The following ADGRV1 variants were observed in gnomAD, a reference collection of about 807,000 sequenced individuals.
ADGRV1 encodes the protein adhesion G protein-coupled receptor V1, also known as G-protein coupled receptor 98.
A neutral mutation model predicts 596.2 loss-of-function variants in ADGRV1; 359 were observed. The observed-to-expected ratio is 0.60, with a 90% CI of 0.55 to 0.66. The LOEUF (loss-of-function observed/expected upper bound fraction) is 0.66, where lower values mean the gene tolerates loss of function less well. Ranked by LOEUF, ADGRV1 falls within the 30% of genes least tolerant of loss-of-function variation. The pLI, the probability that ADGRV1 is intolerant of heterozygous loss-of-function variation, is 0.00. For missense variants in ADGRV1, 7,274 were observed against 7,575.6 expected (o/e 0.96, Z 1.48); for synonymous variants, 2,681 against 2,679.2 (o/e 1.00, Z -0.02).
chr5:90,977,721 G>T (rs1420181325), intron 84 of ADGRV1, among the ~76,000 whole-genome samples: 2 of 152,090 alleles, frequency 1.3e-5, no homozygotes, highest in Admixed American at 6.6e-5. Context: ...AAATAGATAG[G>T]TTTGTGTAGG....
At chr5:90,916,630 A>ATTTTT (rs1189256227) in intron 83 of ADGRV1, among the ~76,000 whole-genome samples, 3 of 62,338 alleles carry the variant, frequency 4.8e-5, no homozygotes, top group Non-Finnish European at 6.8e-5. Flanking sequence ...AGCGTTCACA[A>ATTTTT]ATTTTTTTTT....
At chr5:90,704,279 T>G (rs1748302519) in intron 35 of ADGRV1, 110 bp from the exon 36 acceptor site, 1 of 713,822 alleles carries the variant, frequency 1.4e-6, no homozygotes. Flanking sequence ...AACTTTTGTT[T>G]AAATGAAAAT....
intron 1 of ADGRV1, among the ~76,000 whole-genome samples, chr5:90,573,498 T>C (rs1033884191): frequency 3.3e-5 from 5 of 152,176 alleles, no homozygotes; most frequent in African/African-American, 9.7e-5. Context: ...TTGAATACTG[T>C]AGGTAATTAT....
intron 76 of ADGRV1, 29 bp from the exon 77 acceptor site, chr5:90,828,912 AGTT>A (rs755936534): frequency 6.8e-7 from 1 of 1,461,178 alleles, no homozygotes; most frequent in South Asian, 1.5e-5. Flanking sequence ...TATTAGTAAT[AGTT>A]GTTTTTTTTT....
rs377350691 is a variant in ADGRV1 at position 90,959,906 on chromosome 5, A to G, written c.17857-5509A>G. On this transcript the variant is annotated intron_variant, in intron 83 of 89. Transcript: ENST00000405460. ...TGTAATCCCAGCACTTTGGGAGGCT[A>G]AGGTGGGCAGATCACGAGGTCAGGA... is the stretch of plus-strand genomic sequence containing the variant. 9.9e-4 allele frequency among the ~76,000 whole-genome samples: 151 copies of G among 152,182 alleles called. No individual in the cohort carries two copies. The East Asian group carries it at 0.01, about 10-fold the overall frequency.
intron 87 of ADGRV1, among the ~76,000 whole-genome samples, chr5:91,122,745 T>G (rs970961618): frequency 2.0e-5 from 3 of 152,166 alleles, no homozygotes; most frequent in African/African-American, 7.2e-5. Context: ...TATGCAAAAG[T>G]TTATCTTTAG....
intron 87 of ADGRV1, among the ~76,000 whole-genome samples, chr5:91,104,541 G>C (rs1791675586): frequency 6.6e-6 from 1 of 152,050 alleles, no homozygotes; most frequent in African/African-American, 2.4e-5. Context: ...CTTCTATCTA[G>C]CTGTAATTTT....
chr5:91,031,449 C>G, intron 85 of ADGRV1: 2 of 727,568 alleles, frequency 2.7e-6, no homozygotes, highest in South Asian at 1.7e-5. Context: ...TCACTCAACT[C>G]TGAATAATCT....
chr5:90,801,149 G>A (rs941602155), intron 70 of ADGRV1, among the ~76,000 whole-genome samples: 2 of 152,168 alleles, frequency 1.3e-5, no homozygotes, highest in South Asian at 2.1e-4. Flanking sequence ...GGAAATGGAA[G>A]AGCGTATTGA....
intron 21 of ADGRV1, 144 bp downstream of exon 21, chr5:90,658,422 T>A: frequency 1.5e-6 from 1 of 648,044 alleles, no homozygotes; most frequent in Non-Finnish European, 2.4e-6. Context: ...ATTGCAAATA[T>A]AAATTACAAA....
Position 90,759,720 on chromosome 5 carries a change from C to T in ADGRV1, c.12120+132C>T, listed in dbSNP as rs573226186. On this transcript the variant is annotated intron_variant, in intron 58 of 89. Coordinates refer to ENST00000405460, the MANE Select transcript of ADGRV1 (RefSeq NM_032119.4). ...GTGGCTCATGCCAGTAATCCCAGCA[C>T]TTTGGGAGGCCGCAGCGGGCAGATC... 9.3e-6 allele frequency: 7 copies of T among 749,264 alleles called. No homozygotes were observed. The African/African-American group carries it at 1.2e-4, about 13-fold the overall frequency. The allele number at this position is 749,264 out of a possible 1,614,324, so 46.4% of individuals were successfully genotyped here. A position where few individuals can be genotyped will look rare whatever the true frequency, so the allele number is the denominator to read the frequency against.
At chr5:91,056,079 G>A (rs1318102941) in intron 85 of ADGRV1, among the ~76,000 whole-genome samples, 1 of 152,150 alleles carries the variant, frequency 6.6e-6, no homozygotes, top group Non-Finnish European at 1.5e-5. Flanking sequence ...GAGGTTAGGC[G>A]AATATGGCAG....
chr5:91,098,503 C>G (rs907738923), intron 86 of ADGRV1, among the ~76,000 whole-genome samples: 2 of 152,136 alleles, frequency 1.3e-5, no homozygotes, highest in African/African-American at 2.4e-5. Flanking sequence ...GCTTCAGGCC[C>G]ACAAAATCTG....
At chr5:90,571,758 G>A (rs531656066) in intron 1 of ADGRV1, among the ~76,000 whole-genome samples, 1 of 152,160 alleles carries the variant, frequency 6.6e-6, no homozygotes, top group African/African-American at 2.4e-5. Flanking sequence ...TGGCTGCCAG[G>A]ATGCTGGTTT....
intron 51 of ADGRV1, 115 bp downstream of exon 51, chr5:90,745,380 A>T: frequency 1.3e-6 from 1 of 754,966 alleles, no homozygotes; most frequent in South Asian, 2.1e-5. Context: ...AGAGCTATTT[A>T]TCAGCCTGAA....
chr5:90,703,796 G>A lies in ADGRV1; in HGVS notation c.8286+1G>A, dbSNP rs1580797620. ...TAGCGGACAACTTTTCTTTCCTGAG[G>A]TAATACTGCAAAGAAAAGTCGATCA... On this transcript the variant is annotated splice_donor_variant, in intron 35 of 89. Coordinates refer to ENST00000405460, the MANE Select transcript of ADGRV1 (RefSeq NM_032119.4). LOFTEE classifies it high-confidence loss of function. 6.3e-7 allele frequency: 1 copy of A among 1,581,858 alleles called. No homozygotes were observed. Among genetic ancestry groups the A allele is most frequent in the Non-Finnish European group, 8.6e-7 (1 of 1,164,620 alleles).
intron 85 of ADGRV1, among the ~76,000 whole-genome samples, chr5:91,033,286 T>C (rs1784622561): frequency 6.6e-6 from 1 of 152,236 alleles, no homozygotes; most frequent in African/African-American, 2.4e-5. Context: ...TTGTGTGGCT[T>C]ATAATTTTTT....
At chr5:90,855,123 C>T (rs914602273) in intron 81 of ADGRV1, among the ~76,000 whole-genome samples, 1 of 152,110 alleles carries the variant, frequency 6.6e-6, no homozygotes, top group Non-Finnish European at 1.5e-5. Context: ...AAGTGATAGT[C>T]ACTGAGGAAG....
chr5:90,729,601 A>T (rs1293512104), intron 49 of ADGRV1, 41 bp from the exon 50 acceptor site: 6 of 1,490,596 alleles, frequency 4.0e-6, no homozygotes, highest in Admixed American at 4.0e-5. Flanking sequence ...TTTTTTCTGT[A>T]ACTTTTGCAT....
Sources: gnomAD v4.1 joint callset for allele counts (sites outside exome capture counted in the v4.1 genomes callset) on GRCh38, gnomAD v4.1.1 for gene constraint, MANE v1.5 for transcripts, NCBI Gene and HGNC (gene_info 2026-07-23, HGNC 2026-07-21) for gene names.